SLC2A10: variants seen among roughly 807,000 people sequenced by gnomAD.
SLC2A10 encodes solute carrier family 2, facilitated glucose transporter member 10.
A neutral mutation model predicts 32.1 loss-of-function variants in SLC2A10; 25 were observed. That is an observed-to-expected ratio of 0.78 (90% CI 0.57 to 1.09). The LOEUF (loss-of-function observed/expected upper bound fraction) is 1.09. SLC2A10 is among the 50% of genes least tolerant of loss of function. SLC2A10 has a pLI of 0.00. For synonymous variants in SLC2A10, 332 were observed against 309.6 expected (o/e 1.07, Z -0.76); for missense variants, 673 against 686.5 (o/e 0.98, Z 0.22).
rs763252434 is a variant in SLC2A10, at chr20:46,721,437, C to CA, written c.5-3588dup. ...GGGGCCCTACAAATCCCTCAATTAG[C>CA]AAAAAAAAAAAAAAAAGAGAGAGAG... is the stretch of plus-strand genomic sequence containing the variant. On this transcript the variant is annotated intron_variant, in intron 1 of 4. Coordinates refer to ENST00000359271, the MANE Select transcript of SLC2A10 (RefSeq NM_030777.4). 6.7e-3 allele frequency among the ~76,000 whole-genome samples: 773 copies of CA among 116,004 alleles called. 1 individual carries two copies. The highest frequency in any genetic ancestry group is 0.016 in the South Asian group (60 of 3,688). 76.1% of individuals were successfully genotyped at this position (116,004 alleles called of 152,430 possible).
At chr20:46,721,335 A>G (rs1979540007) in intron 1 of SLC2A10, among the ~76,000 whole-genome samples, 1 of 152,088 alleles carries the variant, frequency 6.6e-6, no homozygotes, top group Non-Finnish European at 1.5e-5. Context: ...AGTTACCAAA[A>G]CAGAAAAGAA....
intron 1 of SLC2A10, among the ~76,000 whole-genome samples, chr20:46,721,437 C>CAAAAA (rs763252434): frequency 8.6e-6 from 1 of 116,034 alleles, no homozygotes. Flanking sequence ...CCTCAATTAG[C>CAAAAA]AAAAAAAAAA....
chr20:46,715,538 A>T (rs1979185255), intron 1 of SLC2A10, among the ~76,000 whole-genome samples: 1 of 152,178 alleles, frequency 6.6e-6, no homozygotes, highest in Non-Finnish European at 1.5e-5. Flanking sequence ...GATGTTTACT[A>T]GTGGTGAGGA....
In SLC2A10 at chr20:46,709,729, C is replaced by T; in HGVS notation, c.-8C>T. 6.5e-7 allele frequency: 1 copy of T among 1,546,362 alleles called. No homozygotes were observed. Among genetic ancestry groups the T allele is most frequent in the African/African-American group, 1.4e-5 (1 of 72,570 alleles). On this transcript the variant is annotated 5_prime_UTR_variant, in exon 1 of 5. Coordinates refer to ENST00000359271, the MANE Select transcript of SLC2A10 (RefSeq NM_030777.4). Reference sequence around the variant, plus strand: ...GCGCCCCCAGCACGCCGCCGAGTCCCGCTCGCCATGGGTAAGTCCCGATCG... The same window carrying T: ...GCGCCCCCAGCACGCCGCCGAGTCCTGCTCGCCATGGGTAAGTCCCGATCG...
At chr20:46,709,977 C>G (rs1978815206) in intron 1 of SLC2A10, 2 of 549,892 alleles carry the variant, frequency 3.6e-6, no homozygotes, top group Non-Finnish European at 6.3e-6. Context: ...CCCTCACTTG[C>G]TGCAGCGCCC....
intron 3 of SLC2A10, among the ~76,000 whole-genome samples, chr20:46,727,289 G>A (rs1980027455): frequency 6.6e-6 from 1 of 151,854 alleles, no homozygotes. Context: ...CACCTGCCAG[G>A]TGGAAGTTTT....
Position 46,734,210 on chromosome 20 carries a change from A to C in SLC2A10, c.*376A>C. 1 of 300,392 alleles carries C rather than the reference A, an allele frequency of 3.3e-6. No homozygotes were observed. The highest frequency in any genetic ancestry group is 8.0e-5 in the East Asian group (1 of 12,438). The allele number at this position is 300,392 out of a possible 1,614,324, so 18.6% of individuals were successfully genotyped here. A position where few individuals can be genotyped will look rare whatever the true frequency, so the allele number is the denominator to read the frequency against. On this transcript the variant is annotated 3_prime_UTR_variant, in exon 5 of 5. Transcript: ENST00000359271. ...CTCCCGATATCACCCCTAAATCCAAATGAGGATATCATCTTTTCTAATCTC... is the reference window on the plus strand; with the variant it reads ...CTCCCGATATCACCCCTAAATCCAACTGAGGATATCATCTTTTCTAATCTC...
chr20:46,729,341 T>A lies in SLC2A10; in HGVS notation c.1412-12T>A. The A allele has an allele frequency of 6.2e-7, 1 of 1,613,240 alleles. No individual in the cohort carries two copies. Among genetic ancestry groups the A allele is most frequent in the Non-Finnish European group, 8.5e-7 (1 of 1,179,892 alleles). On this transcript the variant is annotated splice_polypyrimidine_tract_variant and intron_variant, in intron 3 of 4. Coordinates refer to ENST00000359271, the MANE Select transcript of SLC2A10 (RefSeq NM_030777.4). ...TGGTCCTGGGCCTACACTCCCGCCC[T>A]CCTGTTTCCAGGCACCATCGGCTTG...
chr20:46,713,202 T>C (rs1181789901), intron 1 of SLC2A10, among the ~76,000 whole-genome samples: 1 of 152,148 alleles, frequency 6.6e-6, no homozygotes, highest in African/African-American at 2.4e-5. Context: ...ACCACTCCTG[T>C]TCCCTTGAGG....
chr20:46,734,134 C>G lies in SLC2A10; in HGVS notation c.*300C>G, dbSNP rs1980450299. 5 of 461,026 alleles carry G rather than the reference C, an allele frequency of 1.1e-5. No homozygotes were observed. Among genetic ancestry groups the G allele is most frequent in the South Asian group, 8.9e-5 (4 of 45,134 alleles). The allele number at this position is 461,026 out of a possible 1,614,324, so 28.6% of individuals were successfully genotyped here. A position where few individuals can be genotyped will look rare whatever the true frequency, so the allele number is the denominator to read the frequency against. Reference sequence around the variant, plus strand: ...ATATTCTATGAAGTCTTTGTTGCACCATGGACTTTTCTCAAAGAATCTCAA... The same window carrying G: ...ATATTCTATGAAGTCTTTGTTGCACGATGGACTTTTCTCAAAGAATCTCAA... On this transcript the variant is annotated 3_prime_UTR_variant, in exon 5 of 5. Coordinates refer to ENST00000359271, the MANE Select transcript of SLC2A10 (RefSeq NM_030777.4).
In SLC2A10 at chr20:46,733,842, G is replaced by C. The variant is rs375282462; in HGVS notation, c.*8G>C. On this transcript the variant is annotated 3_prime_UTR_variant, in exon 5 of 5. Transcript: ENST00000359271. ...ATCTCTGCGGCCTCCTGAGGAATCC[G>C]TCTGCCTGGAAATTCTGGAACTGTG... 1 of 1,613,716 alleles carries C rather than the reference G, an allele frequency of 6.2e-7. No individual in the cohort carries two copies. The highest frequency in any genetic ancestry group is 2.2e-5 in the East Asian group (1 of 44,884).
chr20:46,725,158 G>A lies in SLC2A10; in HGVS notation c.122G>A (p.Gly41Glu). 1.9e-6 allele frequency: 3 copies of A among 1,614,172 alleles called. No individual in the cohort carries two copies. The highest frequency in any genetic ancestry group is 2.5e-6 in the Non-Finnish European group (3 of 1,180,022). The change falls in exon 2 of 5, where the codon GGG (glycine) becomes GAG (glutamate). Residue 41 changes from glycine (G) to glutamate (E), a missense_variant. Gly to Glu is a moderately conservative substitution (Grantham distance 98). Coordinates refer to ENST00000359271, the MANE Select transcript of SLC2A10 (RefSeq NM_030777.4). ...GALLPLQLDF[G>E]LSCLEQEFLV... ...CTGCTGCCACTGCAGCTTGACTTTG[G>A]GCTAAGCTGCTTGGAGCAGGAGTTC...
intron 1 of SLC2A10, among the ~76,000 whole-genome samples, chr20:46,721,631 G>A (rs1350950466): frequency 6.6e-6 from 1 of 152,184 alleles, no homozygotes; most frequent in African/African-American, 2.4e-5. Context: ...TTCAGGCACT[G>A]CTAGATCCAT....
chr20:46,726,003 A>G lies in SLC2A10; in HGVS notation c.967A>G (p.Met323Val). The G allele has an allele frequency of 6.2e-7, 1 of 1,613,950 alleles. No individual in the cohort carries two copies. Among genetic ancestry groups the G allele is most frequent in the South Asian group, 1.1e-5 (1 of 91,086 alleles). ...AGGCCTCGTCAGCTTTGCCGTGCCC[A>G]TGGACTCAGGCCCAAGCTGTCTGGC... The part of the protein sequence containing the change: ...GIGLVSFAVP[M>V]DSGPSCLAVP... The change falls in exon 2 of 5, where the codon ATG becomes GTG. Residue 323 changes from methionine to valine, a missense_variant. Met to Val is a conservative substitution (Grantham distance 21, BLOSUM62 1). Transcript: ENST00000359271.
chr20:46,725,071 C>T lies in SLC2A10; in HGVS notation c.35C>T (p.Ala12Val), dbSNP rs1979799107. 6.2e-7 allele frequency: 1 copy of T among 1,614,098 alleles called. No individual in the cohort carries two copies. The highest frequency in any genetic ancestry group is 1.1e-5 in the South Asian group (1 of 91,082). Reference sequence around the variant, plus strand: ...TCCCCACCTGTCCTGCCTTTGTGTGCCTCTGTGTCTTTGCTGGGTGGCCTG... The same window carrying T: ...TCCCCACCTGTCCTGCCTTTGTGTGTCTCTGTGTCTTTGCTGGGTGGCCTG... The part of the protein sequence containing the change: ...GHSPPVLPLC[A>V]SVSLLGGLTF... The change falls in exon 2 of 5, where the codon GCC becomes GTC. Residue 12 changes from alanine (A) to valine (V), a missense_variant. Coordinates refer to ENST00000359271, the MANE Select transcript of SLC2A10 (RefSeq NM_030777.4).
rs1246134893 is a variant in SLC2A10, at chr20:46,726,393, C to T, written c.1288+69C>T. ...CTCCTAGGGGGAAGTTTGGGGACTTCCCACCCTGATGACCTGGCAGGGTGT... is the reference window on the plus strand; with the variant it reads ...CTCCTAGGGGGAAGTTTGGGGACTTTCCACCCTGATGACCTGGCAGGGTGT... On this transcript the variant is annotated intron_variant, in intron 2 of 4. Transcript: ENST00000359271. The T allele has an allele frequency of 1.7e-5, 26 of 1,571,414 alleles. No individual in the cohort carries two copies. In the Admixed American group the frequency reaches 2.7e-4, roughly 16 times the overall value.
chr20:46,726,458 G>C, intron 2 of SLC2A10, 134 bp downstream of exon 2: 1 of 1,350,720 alleles, frequency 7.4e-7, no homozygotes, highest in Non-Finnish European at 1.0e-6. Context: ...GAAGCCTCAG[G>C]GCCCCTCACT....
At chr20:46,719,622 G>C (rs1979443465) in intron 1 of SLC2A10, among the ~76,000 whole-genome samples, 1 of 152,164 alleles carries the variant, frequency 6.6e-6, no homozygotes, top group Non-Finnish European at 1.5e-5. Context: ...ATCTCCCACT[G>C]GGTCCCTTCC....
intron 4 of SLC2A10, among the ~76,000 whole-genome samples, chr20:46,731,274 G>T (rs1262365446): frequency 6.6e-6 from 1 of 152,148 alleles, no homozygotes; most frequent in Admixed American, 6.5e-5. Context: ...ACCTGCCAGA[G>T]GATGGGGGAG....
Sources: gnomAD v4.1 joint callset for allele counts (sites outside exome capture counted in the v4.1 genomes callset) on GRCh38, gnomAD v4.1.1 for gene constraint, MANE v1.5 for transcripts, NCBI Gene and HGNC (gene_info 2026-07-23, HGNC 2026-07-21) for gene names.